The following JDP2 variants were observed in gnomAD, a reference collection of about 807,000 sequenced individuals.
JDP2 encodes progesterone receptor co-activator.
Under a neutral mutation model 17.1 loss-of-function variants are expected in JDP2, and 9 were observed. The observed-to-expected ratio is 0.53, with a 90% CI of 0.32 to 0.92. JDP2 has a LOEUF of 0.92. Among genes scored for constraint, JDP2 ranks in the 40% least tolerant of loss-of-function variants. The pLI is 0.04. For synonymous variants in JDP2, 107 were observed against 95.6 expected (o/e 1.12, Z -0.69); for missense variants, 179 against 220.0 (o/e 0.81, Z 1.18).
Position 75,471,793 on chromosome 14 carries a change from C to A in JDP2, c.*2318C>A. The A allele has an allele frequency of 1.3e-5, 2 of 157,276 alleles. No individual in the cohort carries two copies. Among genetic ancestry groups the A allele is most frequent in the South Asian group, 3.5e-4 (2 of 5,696 alleles). 9.7% of individuals were successfully genotyped at this position (157,276 alleles called of 1,614,324 possible). A position where few individuals can be genotyped will look rare whatever the true frequency, so the allele number is the denominator to read the frequency against. ...TCTCGGGGGTCTTGAGGCTGTCGGT[C>A]CGGACGATGCAGGTGAGGCAGTGTC... On this transcript the variant is annotated 3_prime_UTR_variant, in exon 4 of 4. Coordinates refer to ENST00000651602, the MANE Select transcript of JDP2 (RefSeq NM_001135048.2).
At chr14:75,455,040 C>T (rs1886040324) in intron 2 of JDP2, among the ~76,000 whole-genome samples, 1 of 152,104 alleles carries the variant, frequency 6.6e-6, no homozygotes, top group Admixed American at 6.5e-5. Flanking sequence ...ATGTGGTGGA[C>T]ACCTTAGAGA....
chr14:75,467,806 G>A (rs1886631640), intron 3 of JDP2, among the ~76,000 whole-genome samples: 1 of 151,944 alleles, frequency 6.6e-6, no homozygotes, highest in Non-Finnish European at 1.5e-5. Flanking sequence ...TCCCAGTCAC[G>A]TCCCAGCCTG....
At position 75,471,555 on chromosome 14, in the gene JDP2, G is replaced by A. The variant is rs142424801; in HGVS notation, c.*2080G>A. On this transcript the variant is annotated 3_prime_UTR_variant, in exon 4 of 4. Transcript: ENST00000651602. ...GTGTCAAGAACAGCAGTGAACCTGG[G>A]TTGCTTCCCAAATTGTGGACGAGGC... 2.0e-5 allele frequency: 3 copies of A among 152,354 alleles called. No individual in the cohort carries two copies. The highest frequency in any genetic ancestry group is 7.2e-5 in the African/African-American group (3 of 41,562). The allele number at this position is 152,354 out of a possible 1,614,324, so 9.4% of individuals were successfully genotyped here.
chr14:75,472,998 C>T lies in JDP2; in HGVS notation c.*3523C>T, dbSNP rs1045999607. ...GCCCAGGGTTCCTATGAGAATCAAT[C>T]GAGTTGATGAATGCAACCATGGCCT... is the stretch of plus-strand genomic sequence containing the variant. On this transcript the variant is annotated 3_prime_UTR_variant, in exon 4 of 4. Coordinates refer to ENST00000651602, the MANE Select transcript of JDP2 (RefSeq NM_001135048.2). 7 of 152,158 alleles carry T rather than the reference C, an allele frequency of 4.6e-5. No individual in the cohort carries two copies. The highest frequency in any genetic ancestry group is 1.9e-4 in the East Asian group (1 of 5,190). 9.4% of individuals were successfully genotyped at this position (152,158 alleles called of 1,614,324 possible).
chr14:75,433,275 T>C (rs534702515), intron 1 of JDP2, among the ~76,000 whole-genome samples: 2 of 133,794 alleles, frequency 1.5e-5, no homozygotes, highest in African/African-American at 5.4e-5. Flanking sequence ...GCCATTATGC[T>C]CAATGGCAAA....
chr14:75,430,940 TTC>T lies in JDP2; in HGVS notation c.-24+2690_-24+2691del, dbSNP rs1884768859. ...TGGGAGGCCTGGCCAGAGCCCACCA[TTC>T]TTAGTTGTTGTTGTTTTTTAGTCTG... On this transcript the variant is annotated intron_variant, in intron 1 of 3. Transcript: ENST00000651602. The surrounding 1 kb of genome is among the most constrained non-coding windows in gnomAD (Gnocchi z 4.5). 6.6e-6 allele frequency among the ~76,000 whole-genome samples: 1 copy of T among 152,158 alleles called. No individual in the cohort carries two copies. Among genetic ancestry groups the T allele is most frequent in the Non-Finnish European group, 1.5e-5 (1 of 68,008 alleles).
At position 75,431,431 on chromosome 14, in the gene JDP2, G is replaced by A. The variant is rs534205866; in HGVS notation, c.-24+3179G>A. 4.6e-5 allele frequency among the ~76,000 whole-genome samples: 7 copies of A among 152,296 alleles called. No homozygotes were observed. In the South Asian group the frequency reaches 6.2e-4, roughly 14 times the overall value. ...GTGGCTTCTCTTGAACCCAGCTACC[G>A]CTCCTTGTCTTCTTATGAAGCAGTG... On this transcript the variant is annotated intron_variant, in intron 1 of 3. Transcript: ENST00000651602.
In JDP2 at chr14:75,430,109, C is replaced by T. The variant is rs1161354655; in HGVS notation, c.-24+1857C>T. Among the ~76,000 whole-genome samples the T allele has an allele frequency of 6.6e-6, 1 of 152,222 alleles. No homozygotes were observed. Among genetic ancestry groups the T allele is most frequent in the Admixed American group, 6.5e-5 (1 of 15,284 alleles). Reference sequence around the variant, plus strand: ...CTACCAGGGAATGCTCCTCCTGACTCCCTGGGTTTGTTGTCATCTCCCTAC... The same window carrying T: ...CTACCAGGGAATGCTCCTCCTGACTTCCTGGGTTTGTTGTCATCTCCCTAC... On this transcript the variant is annotated intron_variant, in intron 1 of 3. Transcript: ENST00000651602. This position sits in a 1 kb window ranked among gnomAD's most constrained non-coding sequence, Gnocchi z 4.5.
intron 2 of JDP2, among the ~76,000 whole-genome samples, chr14:75,452,257 A>G (rs1484034891): frequency 1.3e-5 from 2 of 152,160 alleles, no homozygotes; most frequent in Non-Finnish European, 2.9e-5. Context: ...AATGGAGTCA[A>G]TCCCTGTCTT....
intron 2 of JDP2, among the ~76,000 whole-genome samples, chr14:75,447,166 G>C (rs1360578733): frequency 3.3e-5 from 5 of 152,192 alleles, no homozygotes. Context: ...GGTCTGAGTG[G>C]GGCTGGCAGG....
chr14:75,430,639 C>T lies in JDP2; in HGVS notation c.-24+2387C>T, dbSNP rs1328950359. On this transcript the variant is annotated intron_variant, in intron 1 of 3. Coordinates refer to ENST00000651602, the MANE Select transcript of JDP2 (RefSeq NM_001135048.2). This position sits in a 1 kb window ranked among gnomAD's most constrained non-coding sequence, Gnocchi z 4.5. ...TGAGAACACTGTTTTGGCTGCGTCC[C>T]GGGCCATATGCAGCGTATGGTGGCC... is the stretch of plus-strand genomic sequence containing the variant. Among the ~76,000 whole-genome samples, 1 of 152,152 alleles carries T rather than the reference C, an allele frequency of 6.6e-6. No homozygotes were observed. Among genetic ancestry groups the T allele is most frequent in the South Asian group, 2.1e-4 (1 of 4,824 alleles).
intron 2 of JDP2, among the ~76,000 whole-genome samples, chr14:75,449,056 G>C (rs1258130649): frequency 6.6e-6 from 1 of 152,182 alleles, no homozygotes; most frequent in Non-Finnish European, 1.5e-5. Flanking sequence ...ATATTAGCTG[G>C]TGTTCAGTAT....
intron 1 of JDP2, among the ~76,000 whole-genome samples, chr14:75,433,922 G>A (rs1452866088): frequency 2.0e-5 from 3 of 152,194 alleles, no homozygotes; most frequent in Non-Finnish European, 4.4e-5. Flanking sequence ...CACTGAGGAT[G>A]TTTATCTGCC....
chr14:75,433,224 A>AAAAAAAG (rs1566733607), intron 1 of JDP2, among the ~76,000 whole-genome samples: 7 of 124,644 alleles, frequency 5.6e-5, no homozygotes, highest in Non-Finnish European at 1.1e-4. Context: ...AAAAAAAAAA[A>AAAAAAAG]TGTAAGGGGT....
chr14:75,438,110 G>C lies in JDP2; in HGVS notation c.190G>C (p.Val64Leu). ...GAAACTGGGCAAGAGGCCCCAGCCC[G>C]TGAAAAGTGAGGTGAGCGAGCCTTT... Reference protein sequence around the residue: ...EVKLGKRPQPVKSELDEEEER... With the variant: ...EVKLGKRPQPLKSELDEEEER... The change falls in exon 2 of 4, where the codon GTG becomes CTG. Residue 64 changes from valine (V) to leucine (L), a missense_variant. Physicochemically the swap from Val to Leu is conservative, Grantham distance 32. Transcript: ENST00000651602. The C allele has an allele frequency of 6.2e-7, 1 of 1,607,772 alleles. No homozygotes were observed. Among genetic ancestry groups the C allele is most frequent in the Non-Finnish European group, 8.5e-7 (1 of 1,175,828 alleles).
intron 2 of JDP2, among the ~76,000 whole-genome samples, chr14:75,447,800 G>T (rs1011262517): frequency 6.6e-6 from 1 of 152,028 alleles, no homozygotes; most frequent in African/African-American, 2.4e-5. Flanking sequence ...TGGGATTACA[G>T]GTGTGTACCA....
At chr14:75,449,454 A>G (rs1416001276) in intron 2 of JDP2, among the ~76,000 whole-genome samples, 1 of 152,238 alleles carries the variant, frequency 6.6e-6, no homozygotes, top group African/African-American at 2.4e-5. Context: ...TTGTTGTTAA[A>G]GAGTCAGTTT....
Position 75,438,052 on chromosome 14 carries a change from G to T in JDP2, c.132G>T (p.Gly44=). 6.2e-7 allele frequency: 1 copy of T among 1,614,068 alleles called. No individual in the cohort carries two copies. Among genetic ancestry groups the T allele is most frequent in the African/African-American group, 1.3e-5 (1 of 75,068 alleles). ...ELKYADIRNL[G]AMIAPLHFLE... is the part of the protein sequence containing the mutation. ...AATACGCTGACATCCGCAACCTCGGGGCCATGATTGCACCCTTGCACTTCC... is the reference window on the plus strand; with the variant it reads ...AATACGCTGACATCCGCAACCTCGGTGCCATGATTGCACCCTTGCACTTCC... The change falls in exon 2 of 4, where the codon GGG becomes GGT. Residue 44 remains glycine (G), a synonymous_variant. Coordinates refer to ENST00000651602, the MANE Select transcript of JDP2 (RefSeq NM_001135048.2).
At chr14:75,447,004 T>C (rs1885632126) in intron 2 of JDP2, among the ~76,000 whole-genome samples, 1 of 152,218 alleles carries the variant, frequency 6.6e-6, no homozygotes, top group South Asian at 2.1e-4. Flanking sequence ...TCCTTTTTAT[T>C]GCTAGTATCT....
Sources: allele counts gnomAD v4.1 joint callset (sites outside exome capture counted in the v4.1 genomes callset), GRCh38; gene constraint gnomAD v4.1.1; non-coding constraint Gnocchi (gnomAD v3.1); transcripts MANE v1.5; gene names NCBI Gene and HGNC (gene_info 2026-07-23, HGNC 2026-07-21).